Variants in RIMOC1 observed in about 807,000 individuals in gnomAD.
RIMOC1 encodes RAB7A interacting MON1-CCZ1 complex subunit 1, also known as RAB7A-interacting MON1-CCZ1 complex subunit 1.
chr5:41,907,412 ATTTG>A, the RIMOC1 span, among the ~76,000 whole-genome samples: 2 of 152,054 alleles, frequency 1.3e-5, no homozygotes, highest in Non-Finnish European at 2.9e-5. Flanking sequence ...TAAGTTTTAA[ATTTG>A]TTTAATTATT....
At chr5:41,911,808 A>G in the RIMOC1 span, among the ~76,000 whole-genome samples, 1 of 152,128 alleles carries the variant, frequency 6.6e-6, no homozygotes, top group Non-Finnish European at 1.5e-5. Flanking sequence ...TTTAACAAGT[A>G]TATTACTGAA....
At chr5:41,915,974 C>G in the RIMOC1 span, among the ~76,000 whole-genome samples, 235 of 152,296 alleles carry the variant, frequency 1.5e-3, 1 homozygote, top group Admixed American at 2.6e-3. Flanking sequence ...GAAACTACCA[C>G]TATTTTGAAA....
chr5:41,912,262 G>C, the RIMOC1 span: 4 of 805,436 alleles, frequency 5.0e-6, no homozygotes, highest in East Asian at 7.5e-5. Context: ...ATTTCACTCT[G>C]ATTTAAATAA....
At chr5:41,912,310 A>G in the RIMOC1 span, 1 of 607,286 alleles carries the variant, frequency 1.6e-6, no homozygotes, top group Non-Finnish European at 2.9e-6. Flanking sequence ...GTAATAAGTA[A>G]TAAAGGGTTT....
At chr5:41,904,617 C>G in the RIMOC1 span, 3 of 688,272 alleles carry the variant, frequency 4.4e-6, no homozygotes, top group Non-Finnish European at 7.4e-6. Flanking sequence ...CTGAGCCCCT[C>G]TGCGCCATCG....
At chr5:41,904,512 A>G in the RIMOC1 span, 1 of 1,569,526 alleles carries the variant, frequency 6.4e-7, no homozygotes, top group Non-Finnish European at 8.7e-7. Context: ...AGACGGCGCT[A>G]AGGTACTGGC....
chr5:41,910,312 C>T, the RIMOC1 span, among the ~76,000 whole-genome samples: 25 of 152,088 alleles, frequency 1.6e-4, no homozygotes, highest in African/African-American at 5.8e-4. Flanking sequence ...TTTTCCACTT[C>T]TTCATCTCTG....
the RIMOC1 span, among the ~76,000 whole-genome samples, chr5:41,914,753 G>A: frequency 6.6e-6 from 1 of 152,098 alleles, no homozygotes; most frequent in African/African-American, 2.4e-5. Context: ...CTGGGTAACA[G>A]AGTGAGACCC....
the RIMOC1 span, chr5:41,911,309 C>T: frequency 1.3e-6 from 1 of 769,464 alleles, no homozygotes; most frequent in Admixed American, 4.0e-5. Context: ...TATTTACTAG[C>T]TGGGTAATCA....
the RIMOC1 span, chr5:41,917,162 C>T: frequency 6.2e-7 from 1 of 1,613,708 alleles, no homozygotes; most frequent in South Asian, 1.1e-5. Context: ...ATACAAGGAA[C>T]CCTTGGATTT....
the RIMOC1 span, among the ~76,000 whole-genome samples, chr5:41,913,606 T>TG: frequency 1.3e-5 from 2 of 152,186 alleles, no homozygotes; most frequent in Non-Finnish European, 2.9e-5. Context: ...GAAGTTTTGA[T>TG]GGGAAAAAAA....
At chr5:41,918,388 C>G in the RIMOC1 span, 2 of 985,792 alleles carry the variant, frequency 2.0e-6, no homozygotes, top group Non-Finnish European at 2.4e-6. Flanking sequence ...TTCTTACCCC[C>G]TTTTCTTGAC....
the RIMOC1 span, chr5:41,912,274 T>A: frequency 1.3e-6 from 1 of 752,014 alleles, no homozygotes; most frequent in Non-Finnish European, 2.2e-6. Flanking sequence ...TTTAAATAAA[T>A]GTCAAGGTAG....
At chr5:41,917,810 T>C in the RIMOC1 span, 5 of 860,276 alleles carry the variant, frequency 5.8e-6, no homozygotes, top group Non-Finnish European at 4.2e-6. Flanking sequence ...AGGTAAATAA[T>C]GAAAGATCTC....
At chr5:41,917,021 T>A in the RIMOC1 span, 1 of 1,586,636 alleles carries the variant, frequency 6.3e-7, no homozygotes, top group Non-Finnish European at 8.6e-7. Flanking sequence ...CCCAGGAATA[T>A]TTAGTGACAT....
At chr5:41,909,292 G>A in the RIMOC1 span, among the ~76,000 whole-genome samples, 2 of 152,098 alleles carry the variant, frequency 1.3e-5, no homozygotes, top group Admixed American at 1.3e-4. Flanking sequence ...CCTCTATTGG[G>A]TGGCAGGATA....
chr5:41,906,393 C>T, the RIMOC1 span, among the ~76,000 whole-genome samples: 1 of 152,262 alleles, frequency 6.6e-6, no homozygotes, highest in African/African-American at 2.4e-5. Flanking sequence ...GCCACCACCA[C>T]ACCCCTGCCA....
the RIMOC1 span, chr5:41,911,944 G>A: frequency 5.9e-6 from 4 of 673,278 alleles, no homozygotes; most frequent in African/African-American, 5.5e-5. Context: ...AAATAGAATA[G>A]CTGTAAGCTA....
At chr5:41,920,638 A>G in the RIMOC1 span, 2 of 152,172 alleles carry the variant, frequency 1.3e-5, no homozygotes, top group Admixed American at 6.5e-5. Flanking sequence ...GTGGGATGCC[A>G]TCATATTTAG....
Sources: gnomAD v4.1 joint callset for allele counts (sites outside exome capture counted in the v4.1 genomes callset) on GRCh38, gnomAD v4.1.1 for gene constraint, MANE v1.5 for transcripts, NCBI Gene and HGNC (gene_info 2026-07-23, HGNC 2026-07-21) for gene names.